The following GRID2 variants were observed in gnomAD, a reference collection of about 807,000 sequenced individuals.
GRID2 encodes the protein glutamate ionotropic receptor delta type subunit 2, also known as glutamate receptor ionotropic, delta-2.
GRID2 carries 33 observed loss-of-function variants against 114.8 expected under a neutral mutation model. That is an observed-to-expected ratio of 0.29 (90% CI 0.22 to 0.38). The LOEUF (loss-of-function observed/expected upper bound fraction) is 0.38. Among genes scored for constraint, GRID2 ranks in the 10% least tolerant of loss-of-function variants. The pLI is 1.00. For missense variants in GRID2, 1,184 were observed against 1,257.7 expected (o/e 0.94, Z 0.89); for synonymous variants, 505 against 449.9 (o/e 1.12, Z -1.55).
intron 2 of GRID2, among the ~76,000 whole-genome samples, chr4:92,991,888 C>T (rs1022694377): frequency 6.6e-6 from 1 of 152,130 alleles, no homozygotes; most frequent in African/African-American, 2.4e-5. Flanking sequence ...TACCACATTA[C>T]AGGATACATA....
intron 14 of GRID2, among the ~76,000 whole-genome samples, chr4:93,690,761 T>C (rs1726483251): frequency 6.6e-6 from 1 of 151,712 alleles, no homozygotes; most frequent in African/African-American, 2.4e-5. Context: ...TAGTGCATTA[T>C]ACTGGAATGA....
At chr4:92,981,209 A>G (rs561037149) in intron 2 of GRID2, among the ~76,000 whole-genome samples, 41 of 152,034 alleles carry the variant, frequency 2.7e-4, no homozygotes, top group Admixed American at 5.9e-4. Flanking sequence ...ACCTATATAT[A>G]TGTGTGTGTG....
chr4:93,607,040 C>A (rs760769531), intron 13 of GRID2, among the ~76,000 whole-genome samples: 2 of 152,156 alleles, frequency 1.3e-5, no homozygotes, highest in East Asian at 3.9e-4. Context: ...TATTTACACA[C>A]ATGTAATTTT....
At chr4:93,238,281 A>G in intron 7 of GRID2, 90 bp from the exon 8 acceptor site, 3 of 850,112 alleles carry the variant, frequency 3.5e-6, no homozygotes, top group Non-Finnish European at 5.4e-6. Flanking sequence ...TTTTATAGAT[A>G]GAAGTAGAGT....
intron 3 of GRID2, among the ~76,000 whole-genome samples, chr4:93,108,749 G>A (rs1732490902): frequency 6.6e-6 from 1 of 151,418 alleles, no homozygotes; most frequent in Non-Finnish European, 1.5e-5. Context: ...TTCTGCCTCA[G>A]CCTCCCAAGT....
chr4:92,742,467 C>G (rs181686960), intron 2 of GRID2, among the ~76,000 whole-genome samples: 2 of 152,064 alleles, frequency 1.3e-5, no homozygotes, highest in Non-Finnish European at 2.9e-5. Flanking sequence ...ATTTCCCTTA[C>G]CCCCTTGACA....
At chr4:93,061,081 C>A (rs1421619981) in intron 2 of GRID2, among the ~76,000 whole-genome samples, 1 of 150,630 alleles carries the variant, frequency 6.6e-6, no homozygotes, top group African/African-American at 2.5e-5. Flanking sequence ...CCAACCAGGG[C>A]AACAGAGCAA....
intron 8 of GRID2, among the ~76,000 whole-genome samples, chr4:93,370,698 T>C (rs748173582): frequency 7.9e-5 from 12 of 152,198 alleles, no homozygotes; most frequent in Non-Finnish European, 1.3e-4. Flanking sequence ...TCTATAGTTT[T>C]CCCTGATCCT....
chr4:93,799,642 G>C (rs1734883603), intron 1 of GRID2, among the ~76,000 whole-genome samples: 1 of 152,102 alleles, frequency 6.6e-6, no homozygotes, highest in Non-Finnish European at 1.5e-5. Flanking sequence ...CAGTGAAATA[G>C]AGACTATGTG....
chr4:92,345,584 C>T (rs1418449944), intron 1 of GRID2, among the ~76,000 whole-genome samples: 1 of 152,054 alleles, frequency 6.6e-6, no homozygotes, highest in East Asian at 1.9e-4. Flanking sequence ...GTAGACACCA[C>T]CTTTAATGGT....
intron 2 of GRID2, among the ~76,000 whole-genome samples, chr4:93,021,096 G>T (rs1723237791): frequency 1.3e-5 from 2 of 151,438 alleles, no homozygotes; most frequent in South Asian, 4.2e-4. Context: ...TGTCATTAAG[G>T]GCAGGCCCAT....
At chr4:92,530,524 A>AAAG (rs1553946211) in intron 1 of GRID2, among the ~76,000 whole-genome samples, 1 of 150,300 alleles carries the variant, frequency 6.7e-6, no homozygotes, top group African/African-American at 2.5e-5. Flanking sequence ...AAAAAAAAAA[A>AAAG]AGAGAGACTT....
chr4:92,482,007 T>TAC (rs1722629309), intron 1 of GRID2, among the ~76,000 whole-genome samples: 1 of 62,658 alleles, frequency 1.6e-5, no homozygotes, highest in African/African-American at 5.3e-5. Context: ...TATATATATA[T>TAC]ATATATATAT....
chr4:92,941,955 C>G (rs111840957), intron 2 of GRID2, among the ~76,000 whole-genome samples: 2,256 of 152,196 alleles, frequency 0.015, 20 homozygotes, highest in East Asian at 0.054. Flanking sequence ...AATTTCTGTT[C>G]TTTTACATTT....
chr4:92,418,053 A>G (rs535632316), intron 1 of GRID2, among the ~76,000 whole-genome samples: 1 of 152,270 alleles, frequency 6.6e-6, no homozygotes, highest in East Asian at 1.9e-4. Context: ...TTTTATTAGC[A>G]GTGTGAGAAG....
chr4:93,633,259 A>AT (rs1425222155), intron 14 of GRID2, among the ~76,000 whole-genome samples: 3 of 151,674 alleles, frequency 2.0e-5, no homozygotes, highest in African/African-American at 4.8e-5. Context: ...AACTATAAGA[A>AT]TTTTTTTCCT....
chr4:93,247,064 T>C (rs1748297513), intron 8 of GRID2, among the ~76,000 whole-genome samples: 1 of 152,166 alleles, frequency 6.6e-6, no homozygotes, highest in Non-Finnish European at 1.5e-5. Flanking sequence ...ATTCACTGCC[T>C]CTTGGAGAGA....
At chr4:93,055,312 A>T (rs1272074293) in intron 2 of GRID2, among the ~76,000 whole-genome samples, 1 of 151,828 alleles carries the variant, frequency 6.6e-6, no homozygotes, top group Non-Finnish European at 1.5e-5. Context: ...TAGGTTGACA[A>T]AGCAGTGCTG....
chr4:92,951,789 T>G (rs1752060264), intron 2 of GRID2, among the ~76,000 whole-genome samples: 1 of 152,068 alleles, frequency 6.6e-6, no homozygotes, highest in African/African-American at 2.4e-5. Context: ...TTTTCTATCC[T>G]TTCTAAATTG....
Sources: gnomAD v4.1 joint callset for allele counts (sites outside exome capture counted in the v4.1 genomes callset) on GRCh38, gnomAD v4.1.1 for gene constraint, MANE v1.5 for transcripts, NCBI Gene and HGNC (gene_info 2026-07-23, HGNC 2026-07-21) for gene names.